Variants in TAFA1 observed in about 807,000 individuals in gnomAD.
The protein encoded by TAFA1 is TAFA chemokine like family member 1.
Under a neutral mutation model 18.5 loss-of-function variants are expected in TAFA1, and 4 were observed. The observed-to-expected ratio is 0.22, with a 90% CI of 0.11 to 0.49. TAFA1 has a LOEUF of 0.49. Among genes scored for constraint, TAFA1 ranks in the 20% least tolerant of loss-of-function variants. The pLI is 0.98. For missense variants in TAFA1, 147 were observed against 169.0 expected (o/e 0.87, Z 0.72); for synonymous variants, 56 against 55.2 (o/e 1.01, Z -0.06).
At chr3:68,190,448 G>T (rs2066323156) in intron 2 of TAFA1, among the ~76,000 whole-genome samples, 1 of 151,850 alleles carries the variant, frequency 6.6e-6, no homozygotes, top group Admixed American at 6.6e-5. Context: ...ACAAAATATT[G>T]AAGTAGGAAA....
intron 2 of TAFA1, among the ~76,000 whole-genome samples, chr3:68,009,647 C>T (rs999716388): frequency 5.9e-5 from 9 of 152,110 alleles, no homozygotes; most frequent in South Asian, 2.1e-4. Context: ...CTATATAATA[C>T]GTTTATTCAA....
At chr3:68,522,948 C>A (rs1338631169) in intron 3 of TAFA1, among the ~76,000 whole-genome samples, 2 of 151,690 alleles carry the variant, frequency 1.3e-5, no homozygotes, top group African/African-American at 2.4e-5. Flanking sequence ...TGGTGGTGTG[C>A]ACCTGTGATC....
intron 2 of TAFA1, among the ~76,000 whole-genome samples, chr3:68,212,443 G>T (rs1425546943): frequency 6.6e-6 from 1 of 151,874 alleles, no homozygotes; most frequent in Non-Finnish European, 1.5e-5. Context: ...AAAATAGAGG[G>T]TCAGTTTCAG....
intron 3 of TAFA1, among the ~76,000 whole-genome samples, chr3:68,430,655 C>T: frequency 6.6e-6 from 1 of 151,942 alleles, no homozygotes; most frequent in Non-Finnish European, 1.5e-5. Context: ...TATACTAACA[C>T]TTCAGACAAT....
At chr3:68,532,687 T>G (rs1010402571) in intron 3 of TAFA1, among the ~76,000 whole-genome samples, 24 of 152,210 alleles carry the variant, frequency 1.6e-4, no homozygotes, top group Middle Eastern at 6.8e-3. Flanking sequence ...TTAACTAGCA[T>G]TGATATTAGC....
chr3:68,319,580 A>G (rs1314098399), intron 2 of TAFA1, among the ~76,000 whole-genome samples: 3 of 152,186 alleles, frequency 2.0e-5, no homozygotes, highest in Non-Finnish European at 4.4e-5. Flanking sequence ...GTTTTGTCCA[A>G]TGTTGTCACA....
At chr3:68,358,783 T>G (rs1375412357) in intron 2 of TAFA1, among the ~76,000 whole-genome samples, 1 of 151,922 alleles carries the variant, frequency 6.6e-6, no homozygotes, top group Non-Finnish European at 1.5e-5. Context: ...ACCTTGCTGG[T>G]TCTTAGGTAA....
intron 2 of TAFA1, among the ~76,000 whole-genome samples, chr3:68,110,350 A>G (rs182109135): frequency 4.6e-5 from 7 of 152,292 alleles, no homozygotes; most frequent in Admixed American, 3.9e-4. Flanking sequence ...ATGTATATGT[A>G]CCACATTTTC....
At chr3:68,514,042 T>C (rs572075849) in intron 3 of TAFA1, among the ~76,000 whole-genome samples, 6 of 152,138 alleles carry the variant, frequency 3.9e-5, no homozygotes, top group Non-Finnish European at 8.8e-5. Context: ...CAGGTAGCTG[T>C]CTTCTCTGAC....
intron 2 of TAFA1, among the ~76,000 whole-genome samples, chr3:68,065,565 A>G (rs1010742952): frequency 2.0e-5 from 3 of 152,044 alleles, no homozygotes; most frequent in South Asian, 2.1e-4. Context: ...ACCTATTTCT[A>G]TCAATGCCTT....
At chr3:68,037,039 A>C (rs1705064951) in intron 2 of TAFA1, among the ~76,000 whole-genome samples, 1 of 152,148 alleles carries the variant, frequency 6.6e-6, no homozygotes, top group Admixed American at 6.5e-5. Flanking sequence ...ATGTCACGAT[A>C]ATTGCAGCCA....
At chr3:68,494,120 G>C (rs2106688771) in intron 3 of TAFA1, among the ~76,000 whole-genome samples, 1 of 151,938 alleles carries the variant, frequency 6.6e-6, no homozygotes, top group African/African-American at 2.4e-5. Flanking sequence ...AATTTTTTTT[G>C]AGACAGAGTC....
At chr3:68,448,865 T>C (rs1385140661) in intron 3 of TAFA1, among the ~76,000 whole-genome samples, 1 of 152,198 alleles carries the variant, frequency 6.6e-6, no homozygotes, top group Non-Finnish European at 1.5e-5. Context: ...AACAATAATC[T>C]AGTTGGAATG....
At chr3:68,446,956 C>A (rs1473750358) in intron 3 of TAFA1, among the ~76,000 whole-genome samples, 1 of 152,168 alleles carries the variant, frequency 6.6e-6, no homozygotes, top group Non-Finnish European at 1.5e-5. Flanking sequence ...ACCTTAGGGG[C>A]ACTAATTATC....
intron 2 of TAFA1, among the ~76,000 whole-genome samples, chr3:68,303,895 G>A (rs927562522): frequency 4.6e-5 from 7 of 152,124 alleles, no homozygotes; most frequent in Admixed American, 4.6e-4. Flanking sequence ...AAAAATAAAA[G>A]CTTTTTATTT....
intron 3 of TAFA1, among the ~76,000 whole-genome samples, chr3:68,526,246 TCA>T (rs1286451815): frequency 6.6e-6 from 1 of 152,184 alleles, no homozygotes; most frequent in African/African-American, 2.4e-5. Context: ...AGAAAATGAC[TCA>T]CAATTCATTG....
intron 3 of TAFA1, among the ~76,000 whole-genome samples, chr3:68,511,987 T>C (rs962430034): frequency 1.3e-5 from 2 of 152,200 alleles, no homozygotes; most frequent in Non-Finnish European, 2.9e-5. Flanking sequence ...TCATTTCATA[T>C]ATCATTACCT....
At chr3:68,117,287 C>G (rs2065335850) in intron 2 of TAFA1, among the ~76,000 whole-genome samples, 1 of 152,142 alleles carries the variant, frequency 6.6e-6, no homozygotes, top group African/African-American at 2.4e-5. Flanking sequence ...TTACGCAAAA[C>G]TTCTCAGGAG....
intron 2 of TAFA1, among the ~76,000 whole-genome samples, chr3:68,406,482 T>C (rs1559655410): frequency 6.6e-6 from 1 of 152,176 alleles, no homozygotes; most frequent in Admixed American, 6.6e-5. Flanking sequence ...ATACAACTTA[T>C]TCATTTTAGA....
Sources: allele counts gnomAD v4.1 joint callset (sites outside exome capture counted in the v4.1 genomes callset), GRCh38; gene constraint gnomAD v4.1.1; transcripts MANE v1.5; gene names NCBI Gene and HGNC (gene_info 2026-07-23, HGNC 2026-07-21).